Variants in PSD3 observed in about 807,000 individuals in gnomAD.
PSD3 encodes the protein PH and SEC7 domain-containing protein 3.
Under a neutral mutation model 105.5 loss-of-function variants are expected in PSD3, and 49 were observed. The ratio of observed to expected loss-of-function variants is 0.46; its 90% CI spans 0.37 to 0.59. The LOEUF is 0.59. PSD3 is among the 20% of genes least tolerant of loss of function. The pLI is 0.00. For missense variants in PSD3, 1,561 were observed against 1,263.8 expected, an observed-to-expected ratio of 1.24 and a Z score of -3.57; for synonymous variants, 557 against 457.8, an observed-to-expected ratio of 1.22 and a Z score of -2.77.
intron 9 of PSD3, among the ~76,000 whole-genome samples, chr8:18,750,444 G>A (rs1304175510): frequency 6.6e-6 from 1 of 151,978 alleles, no homozygotes; most frequent in African/African-American, 2.4e-5. Context: ...TGGTCTTGCT[G>A]GGCTCAGGAG....
At chr8:18,886,388 C>T (rs1031368106) in intron 2 of PSD3, among the ~76,000 whole-genome samples, 1 of 152,070 alleles carries the variant, frequency 6.6e-6, no homozygotes, top group Non-Finnish European at 1.5e-5. Context: ...GAATGGTTGG[C>T]GCGGGCATCC....
intron 6 of PSD3, chr8:18,803,202 GC>G: frequency 9.1e-6 from 2 of 218,788 alleles, no homozygotes; most frequent in South Asian, 9.1e-5. Flanking sequence ...CAGGAGAACT[GC>G]TTGAACCTGG....
At chr8:18,736,058 T>C (rs533262830) in intron 9 of PSD3, among the ~76,000 whole-genome samples, 2 of 152,318 alleles carry the variant, frequency 1.3e-5, no homozygotes, top group African/African-American at 4.8e-5. Flanking sequence ...ATTTCAACTT[T>C]CTTAAAACAA....
intron 1 of PSD3, among the ~76,000 whole-genome samples, chr8:19,038,799 T>G (rs1019354154): frequency 1.3e-5 from 2 of 152,124 alleles, no homozygotes; most frequent in Non-Finnish European, 2.9e-5. Context: ...ATTTATTGAG[T>G]AGTTATTATG....
intron 14 of PSD3, among the ~76,000 whole-genome samples, chr8:18,558,729 G>A (rs1319526579): frequency 1.3e-5 from 2 of 152,162 alleles, no homozygotes; most frequent in African/African-American, 4.8e-5. Flanking sequence ...GCTGAGGCAG[G>A]AGAATCACTT....
intron 15 of PSD3, among the ~76,000 whole-genome samples, chr8:18,548,119 T>C (rs1253095145): frequency 6.6e-6 from 1 of 152,228 alleles, no homozygotes; most frequent in Non-Finnish European, 1.5e-5. Flanking sequence ...TTTTAAAATG[T>C]CATTCAGTAT....
At chr8:18,896,624 G>A (rs958778840) in intron 2 of PSD3, among the ~76,000 whole-genome samples, 2 of 151,952 alleles carry the variant, frequency 1.3e-5, no homozygotes, top group Non-Finnish European at 2.9e-5. Flanking sequence ...GATTGCCCAG[G>A]CTGGTCTTGA....
chr8:18,942,611 T>C (rs976844314), intron 1 of PSD3, among the ~76,000 whole-genome samples: 7 of 152,166 alleles, frequency 4.6e-5, no homozygotes, highest in African/African-American at 9.7e-5. Flanking sequence ...TAACTTAACA[T>C]GACTAATGTC....
chr8:18,807,158 C>T (rs144816422), intron 4 of PSD3, among the ~76,000 whole-genome samples: 3 of 152,316 alleles, frequency 2.0e-5, no homozygotes, highest in African/African-American at 7.2e-5. Flanking sequence ...CAGAACTGCT[C>T]CATCTTGTCA....
chr8:19,080,507 C>T (rs1264120114), intron 1 of PSD3, among the ~76,000 whole-genome samples: 1 of 152,196 alleles, frequency 6.6e-6, no homozygotes, highest in Non-Finnish European at 1.5e-5. Context: ...TTTTCCTAGT[C>T]TGCTAGACAG....
chr8:18,941,008 C>T (rs1822503481), intron 1 of PSD3, among the ~76,000 whole-genome samples: 1 of 152,152 alleles, frequency 6.6e-6, no homozygotes, highest in Admixed American at 6.6e-5. Context: ...CATCCTCTTC[C>T]CATAGCAAGG....
intron 1 of PSD3, among the ~76,000 whole-genome samples, chr8:18,964,052 C>G (rs186133942): frequency 7.2e-5 from 11 of 152,266 alleles, no homozygotes; most frequent in Non-Finnish European, 1.5e-4. Flanking sequence ...TATTTATAGG[C>G]AAAATACCTC....
chr8:18,986,469 G>A (rs1468041345), intron 1 of PSD3, among the ~76,000 whole-genome samples: 10 of 151,762 alleles, frequency 6.6e-5, no homozygotes, highest in African/African-American at 2.2e-4. Flanking sequence ...CAAGGATCAG[G>A]GAATTCAGTA....
intron 9 of PSD3, among the ~76,000 whole-genome samples, chr8:18,725,461 C>T (rs191652355): frequency 3.9e-5 from 6 of 152,092 alleles, no homozygotes; most frequent in Non-Finnish European, 8.8e-5. Flanking sequence ...ATCCATTATA[C>T]TTCCTTCAAG....
intron 12 of PSD3, among the ~76,000 whole-genome samples, chr8:18,580,118 T>A (rs1563343078): frequency 6.6e-6 from 1 of 152,132 alleles, no homozygotes; most frequent in Non-Finnish European, 1.5e-5. Flanking sequence ...TAGGCGTCTT[T>A]CTAAAACTCA....
chr8:18,930,166 TCA>T (rs1454457173), intron 2 of PSD3, among the ~76,000 whole-genome samples: 3 of 151,996 alleles, frequency 2.0e-5, no homozygotes, highest in East Asian at 3.9e-4. Context: ...AACACAAGAC[TCA>T]CACTTCCAGA....
chr8:18,875,792 C>T (rs1817697620), intron 2 of PSD3, among the ~76,000 whole-genome samples: 1 of 152,150 alleles, frequency 6.6e-6, no homozygotes, highest in East Asian at 1.9e-4. Flanking sequence ...CCGCCTAGGC[C>T]TCCCAAAGTG....
chr8:18,828,068 T>TA (rs1554515387), intron 4 of PSD3, among the ~76,000 whole-genome samples: 5,085 of 82,996 alleles, frequency 0.061, 163 homozygotes, highest in African/African-American at 0.19. Flanking sequence ...TATATATATA[T>TA]TTTTTTTTTT....
intron 2 of PSD3, among the ~76,000 whole-genome samples, chr8:18,895,336 G>A (rs540421061): frequency 1.3e-5 from 2 of 152,162 alleles, no homozygotes; most frequent in African/African-American, 4.8e-5. Context: ...TCCTATTTCA[G>A]ATGCATCATT....
Sources: allele counts gnomAD v4.1 joint callset (sites outside exome capture counted in the v4.1 genomes callset), GRCh38; gene constraint gnomAD v4.1.1; transcripts MANE v1.5; gene names NCBI Gene and HGNC (gene_info 2026-07-23, HGNC 2026-07-21).